KDM6A: variants seen among roughly 807,000 people sequenced by gnomAD.
KDM6A encodes lysine-specific demethylase 6A.
Under a neutral mutation model 117.6 loss-of-function variants are expected in KDM6A, and 11 were observed. That is an observed-to-expected ratio of 0.09 (90% CI 0.06 to 0.15). KDM6A has a LOEUF of 0.15. Ranked by LOEUF, KDM6A falls within the 10% of genes least tolerant of loss-of-function variation. KDM6A has a pLI of 1.00. For synonymous variants in KDM6A, 384 were observed against 396.1 expected, an observed-to-expected ratio of 0.97 and a Z score of 0.36; for missense variants, 799 against 1,077.3, an observed-to-expected ratio of 0.74 and a Z score of 3.62.
intron 27 of KDM6A, among the ~76,000 whole-genome samples, chrX:45,105,750 TC>T (rs1473035412): frequency 1.8e-5 from 2 of 111,661 alleles, no homozygotes; most frequent in Non-Finnish European, 3.8e-5. Flanking sequence ...AAAGCAGGGG[TC>T]CCCAACCCCT....
chrX:44,912,461 T>C (rs2035269234), intron 2 of KDM6A, among the ~76,000 whole-genome samples: 1 of 112,202 alleles, frequency 8.9e-6, no homozygotes, highest in African/African-American at 3.2e-5. Context: ...AAATGCATTT[T>C]ACATCATGAT....
chrX:45,028,695 T>C (rs1251965967), intron 6 of KDM6A, among the ~76,000 whole-genome samples: 1 of 112,156 alleles, frequency 8.9e-6, no homozygotes, highest in Non-Finnish European at 1.9e-5. Context: ...GCTTGTACTT[T>C]ACCAATTTCC....
intron 2 of KDM6A, among the ~76,000 whole-genome samples, chrX:44,900,771 C>CCGGT (rs1233893139): frequency 9.0e-6 from 1 of 111,173 alleles, no homozygotes; most frequent in Non-Finnish European, 1.9e-5. Context: ...GTGGCAGGAG[C>CCGGT]CGGTAATCCC....
intron 2 of KDM6A, among the ~76,000 whole-genome samples, chrX:44,941,072 T>C (rs943263147): frequency 2.7e-5 from 3 of 111,544 alleles, no homozygotes; most frequent in African/African-American, 9.8e-5. Flanking sequence ...TACTCAAGGG[T>C]TGACATTTAA....
At chrX:45,108,670 G>A (rs766721221) in intron 28 of KDM6A, among the ~76,000 whole-genome samples, 3 of 101,103 alleles carry the variant, frequency 3.0e-5, no homozygotes, top group South Asian at 4.9e-4. Context: ...ACATGCACAC[G>A]TATGTTTATT....
intron 2 of KDM6A, among the ~76,000 whole-genome samples, chrX:44,953,644 G>A (rs1239504635): frequency 9.0e-6 from 1 of 111,568 alleles, no homozygotes; most frequent in African/African-American, 3.3e-5. Flanking sequence ...GGAACTGGGC[G>A]GCTGGGGTCA....
At chrX:45,061,956 A>G (rs776402003) in intron 15 of KDM6A, among the ~76,000 whole-genome samples, 1 of 108,541 alleles carries the variant, frequency 9.2e-6, no homozygotes, top group South Asian at 4.0e-4. Flanking sequence ...AAGTATAAAT[A>G]TAGGGTATAT....
intron 4 of KDM6A, among the ~76,000 whole-genome samples, chrX:45,002,992 T>A (rs2041228882): frequency 9.2e-6 from 1 of 109,180 alleles, no homozygotes; most frequent in Non-Finnish European, 1.9e-5. Context: ...AACTTTACTT[T>A]TGTTGAAAAC....
At chrX:45,102,869 T>C (rs1318159812) in intron 27 of KDM6A, among the ~76,000 whole-genome samples, 1 of 111,049 alleles carries the variant, frequency 9.0e-6, no homozygotes, top group East Asian at 2.8e-4. Context: ...CTTATTGACA[T>C]TCATATACCC....
intron 23 of KDM6A, 68 bp downstream of exon 23, chrX:45,082,857 TCTA>T: frequency 1.4e-6 from 1 of 696,535 alleles, no homozygotes. Flanking sequence ...TTGGGAATTC[TCTA>T]CAATTTCCTC....
At chrX:44,877,772 A>G (rs1365021137) in intron 2 of KDM6A, among the ~76,000 whole-genome samples, 1 of 110,916 alleles carries the variant, frequency 9.0e-6, no homozygotes, top group East Asian at 2.8e-4. Context: ...TTTTTTTGGT[A>G]ATTCTATTAG....
At chrX:44,887,621 G>T (rs1197082765) in intron 2 of KDM6A, among the ~76,000 whole-genome samples, 2 of 111,212 alleles carry the variant, frequency 1.8e-5, no homozygotes, top group Non-Finnish European at 3.8e-5. Context: ...ATTGATCCTG[G>T]AGAACCTATG....
chrX:44,909,559 A>G (rs1056487831), intron 2 of KDM6A, among the ~76,000 whole-genome samples: 1 of 111,472 alleles, frequency 9.0e-6, no homozygotes, highest in African/African-American at 3.3e-5. Context: ...TCTGTTTTGA[A>G]ATGTATAGTC....
intron 2 of KDM6A, among the ~76,000 whole-genome samples, chrX:44,893,025 AT>A (rs1303721122): frequency 2.9e-5 from 3 of 102,858 alleles, no homozygotes; most frequent in Non-Finnish European, 2.0e-5. Flanking sequence ...AAAAAAAAAA[AT>A]AGCCAGATGT....
intron 19 of KDM6A, 118 bp downstream of exon 19, chrX:45,076,944 T>A: frequency 1.6e-6 from 1 of 614,881 alleles, no homozygotes; most frequent in East Asian, 4.6e-5. Context: ...GGCAGCAGAT[T>A]AAATAGTTTG....
chrX:45,049,809 A>G (rs1322213689), intron 8 of KDM6A, among the ~76,000 whole-genome samples: 1 of 112,382 alleles, frequency 8.9e-6, no homozygotes, highest in East Asian at 2.8e-4. Context: ...TCTGAGAAGT[A>G]TTATAATGTT....
In KDM6A at chrX:45,111,925, T is replaced by C. The variant is rs1343979708; in HGVS notation, c.*514T>C. 9 of 170,994 alleles carry C rather than the reference T, an allele frequency of 5.3e-5. No individual in the cohort carries two copies. In the East Asian group the frequency reaches 7.6e-4, roughly 14 times the overall value. The allele number at this position is 170,994 out of a possible 1,213,427, so 14.1% of individuals were successfully genotyped here. On this transcript the variant is annotated 3_prime_UTR_variant, in exon 30 of 30. Transcript: ENST00000611820. The stretch of plus-strand genomic sequence containing the variant: ...TTTCTGTCTTGTTTTGAGACCATGA[T>C]GGTTACACTTTTGGTTCCTAAATAA...
At chrX:44,972,595 A>G in intron 3 of KDM6A, among the ~76,000 whole-genome samples, 1 of 111,559 alleles carries the variant, frequency 9.0e-6, no homozygotes, top group African/African-American at 3.3e-5. Flanking sequence ...AATAGTTTAC[A>G]AGAGCCACTT....
At chrX:45,024,757 T>C (rs1017703230) in intron 6 of KDM6A, among the ~76,000 whole-genome samples, 1 of 112,327 alleles carries the variant, frequency 8.9e-6, no homozygotes, top group Non-Finnish European at 1.9e-5. Context: ...TTCTAGAATT[T>C]ATATCTTACA....
Sources: allele counts gnomAD v4.1 joint callset (sites outside exome capture counted in the v4.1 genomes callset), GRCh38; gene constraint gnomAD v4.1.1; transcripts MANE v1.5; gene names NCBI Gene and HGNC (gene_info 2026-07-23, HGNC 2026-07-21).